ARB2A: variants seen among roughly 807,000 people sequenced by gnomAD.
ARB2A encodes ARB2 cotranscriptional regulator A.
chr5:93,650,404 G>C, the ARB2A span, among the ~76,000 whole-genome samples: 5 of 152,118 alleles, frequency 3.3e-5, no homozygotes, highest in African/African-American at 1.2e-4. Flanking sequence ...TAACAGACTG[G>C]AAAAGACTGA....
the ARB2A span, among the ~76,000 whole-genome samples, chr5:94,066,333 G>T: frequency 4.2e-5 from 6 of 144,038 alleles, no homozygotes; most frequent in African/African-American, 7.5e-5. Flanking sequence ...ATAAAGAGCA[G>T]AATTATATGA....
At chr5:93,824,240 T>A in the ARB2A span, 1 of 1,592,374 alleles carries the variant, frequency 6.3e-7, no homozygotes. Context: ...CAAACATAGA[T>A]TGCATGTTCT....
chr5:93,835,893 AG>A, the ARB2A span, among the ~76,000 whole-genome samples: 354 of 152,312 alleles, frequency 2.3e-3, 1 homozygote, highest in Non-Finnish European at 3.5e-3. Flanking sequence ...TAAAAAGTTA[AG>A]GCTTTCCACT....
At chr5:93,868,603 G>C in the ARB2A span, among the ~76,000 whole-genome samples, 1 of 152,248 alleles carries the variant, frequency 6.6e-6, no homozygotes, top group South Asian at 2.1e-4. Context: ...AGTAAACAAA[G>C]CACTTTTGGG....
At chr5:94,034,794 C>A in the ARB2A span, among the ~76,000 whole-genome samples, 1 of 152,186 alleles carries the variant, frequency 6.6e-6, no homozygotes, top group Non-Finnish European at 1.5e-5. Context: ...TGATTGGTGG[C>A]CTGTTAGGAA....
chr5:93,728,372 G>A, the ARB2A span, among the ~76,000 whole-genome samples: 1 of 152,034 alleles, frequency 6.6e-6, no homozygotes, highest in Non-Finnish European at 1.5e-5. Context: ...GTTTGACTGT[G>A]TTCCATGATA....
At chr5:93,795,275 C>A in the ARB2A span, among the ~76,000 whole-genome samples, 1 of 152,184 alleles carries the variant, frequency 6.6e-6, no homozygotes, top group Admixed American at 6.5e-5. Context: ...CCATGCGGCC[C>A]ACAGTCCTAA....
At chr5:93,740,297 G>C in the ARB2A span, 1 of 321,894 alleles carries the variant, frequency 3.1e-6, no homozygotes, top group East Asian at 5.0e-5. Context: ...AATAAAAAAA[G>C]GAACAAAATA....
chr5:93,986,866 C>G, the ARB2A span, among the ~76,000 whole-genome samples: 1 of 152,062 alleles, frequency 6.6e-6, no homozygotes, highest in Admixed American at 6.5e-5. Flanking sequence ...TACCCAGGGA[C>G]ACAAACACTG....
chr5:93,824,478 A>T, the ARB2A span, among the ~76,000 whole-genome samples: 1 of 152,194 alleles, frequency 6.6e-6, no homozygotes, highest in African/African-American at 2.4e-5. Flanking sequence ...TAGAATTAAA[A>T]GATAAAAATT....
At chr5:94,099,064 T>C in the ARB2A span, among the ~76,000 whole-genome samples, 1 of 152,072 alleles carries the variant, frequency 6.6e-6, no homozygotes, top group Non-Finnish European at 1.5e-5. Flanking sequence ...AAAGAGCTGG[T>C]ACCATTCCTG....
the ARB2A span, among the ~76,000 whole-genome samples, chr5:93,920,633 T>C: frequency 6.6e-6 from 1 of 152,170 alleles, no homozygotes. Context: ...TTCACAAATA[T>C]ATTATAGAAA....
At chr5:94,014,456 C>T in the ARB2A span, among the ~76,000 whole-genome samples, 1 of 152,130 alleles carries the variant, frequency 6.6e-6, no homozygotes, top group Non-Finnish European at 1.5e-5. Context: ...ACTGGAATAA[C>T]TAACTAATCC....
At chr5:93,924,771 G>T in the ARB2A span, among the ~76,000 whole-genome samples, 1 of 152,060 alleles carries the variant, frequency 6.6e-6, no homozygotes, top group African/African-American at 2.4e-5. Flanking sequence ...CAGGGGGAGG[G>T]AATATGTAAT....
At chr5:93,848,387 T>TA in the ARB2A span, among the ~76,000 whole-genome samples, 2,586 of 131,608 alleles carry the variant, frequency 0.02, 59 homozygotes, top group Admixed American at 0.066. Context: ...GTCTAAAGAT[T>TA]AAAAAAAAAA....
the ARB2A span, among the ~76,000 whole-genome samples, chr5:93,936,400 T>C: frequency 1.3e-5 from 2 of 152,156 alleles, no homozygotes; most frequent in East Asian, 3.9e-4. Flanking sequence ...TCTCTGCCTT[T>C]GGATTCTTAT....
chr5:93,724,330 C>A, the ARB2A span, among the ~76,000 whole-genome samples: 1 of 152,000 alleles, frequency 6.6e-6, no homozygotes, highest in Admixed American at 6.6e-5. Context: ...CGTCCGCCAA[C>A]AGATACTTGA....
At chr5:93,683,525 A>G in the ARB2A span, 3 of 1,535,840 alleles carry the variant, frequency 2.0e-6, 1 homozygote, top group Middle Eastern at 4.6e-4. Flanking sequence ...TTCGTAATTC[A>G]TGGCCTCTGC....
chr5:94,108,676 T>C, the ARB2A span, among the ~76,000 whole-genome samples: 3 of 152,110 alleles, frequency 2.0e-5, no homozygotes, highest in Non-Finnish European at 4.4e-5. Flanking sequence ...GATACTACTT[T>C]ACACCCATCA....
Sources: gnomAD v4.1 joint callset for allele counts (sites outside exome capture counted in the v4.1 genomes callset) on GRCh38, gnomAD v4.1.1 for gene constraint, MANE v1.5 for transcripts, NCBI Gene and HGNC (gene_info 2026-07-23, HGNC 2026-07-21) for gene names.